HACL2: variants seen among roughly 807,000 people sequenced by gnomAD.
The protein encoded by HACL2 is 2-hydroxyacyl-CoA lyase 1 like.
chr19:15,119,328 C>G, the HACL2 span: 2 of 1,603,190 alleles, frequency 1.2e-6, no homozygotes, highest in Admixed American at 3.4e-5. Flanking sequence ...GAGCAGAGGT[C>G]AGTGTGGCCG....
At chr19:15,116,626 G>A in the HACL2 span, 2 of 887,388 alleles carry the variant, frequency 2.3e-6, no homozygotes, top group East Asian at 2.5e-5. Context: ...ATCCGAGCAG[G>A]CAGACGGGAA....
chr19:15,122,697 A>G, the HACL2 span: 1 of 1,613,844 alleles, frequency 6.2e-7, no homozygotes, highest in Non-Finnish European at 8.5e-7. The surrounding 1 kb of genome is among the most constrained non-coding windows in gnomAD (Gnocchi z 4.0). Context: ...ATTCACCAGG[A>G]GACCACTCGG....
chr19:15,119,649 C>G, the HACL2 span: 1 of 761,436 alleles, frequency 1.3e-6, no homozygotes, highest in East Asian at 2.7e-5. Context: ...CTCCCAGGTT[C>G]AAACGATTCT....
At chr19:15,115,060 C>G in the HACL2 span, 14 of 664,030 alleles carry the variant, frequency 2.1e-5, no homozygotes, top group Non-Finnish European at 3.7e-5. Flanking sequence ...ACAGTTGGGT[C>G]CGTGAAGAGG....
chr19:15,125,607 C>T, the HACL2 span: 1 of 153,848 alleles, frequency 6.5e-6, no homozygotes. Flanking sequence ...GGTCACATCG[C>T]ATCAGGATGT....
the HACL2 span, chr19:15,116,365 T>C: frequency 1.9e-6 from 3 of 1,613,916 alleles, no homozygotes; most frequent in Non-Finnish European, 2.5e-6. Flanking sequence ...CAGCAGGGTC[T>C]GCCGGGAACC....
chr19:15,116,480 T>C, the HACL2 span: 1 of 1,613,794 alleles, frequency 6.2e-7, no homozygotes, highest in African/African-American at 1.3e-5. Context: ...GGTCTGGCCC[T>C]GAAGGCCCTC....
the HACL2 span, among the ~76,000 whole-genome samples, chr19:15,118,611 A>G: frequency 4.6e-5 from 7 of 152,004 alleles, no homozygotes; most frequent in African/African-American, 1.5e-4. Context: ...TGCAGACTCT[A>G]CTTCAAGAAG....
At chr19:15,121,100 A>G in the HACL2 span, among the ~76,000 whole-genome samples, 1 of 152,066 alleles carries the variant, frequency 6.6e-6, no homozygotes, top group African/African-American at 2.4e-5. Flanking sequence ...CTCTACTAAA[A>G]ATACAAAAAT....
chr19:15,123,534 C>T, the HACL2 span: 36 of 1,613,886 alleles, frequency 2.2e-5, no homozygotes, highest in East Asian at 6.7e-5. This position sits in a 1 kb window ranked among gnomAD's most constrained non-coding sequence, Gnocchi z 5.1. Flanking sequence ...CTCAGCACAG[C>T]GGCCACGTTC....
the HACL2 span, chr19:15,123,724 C>A: frequency 1.6e-6 from 1 of 640,572 alleles, no homozygotes; most frequent in South Asian, 1.9e-5. This position sits in a 1 kb window ranked among gnomAD's most constrained non-coding sequence, Gnocchi z 5.1. Context: ...ATATATTATA[C>A]TACATGCCAG....
At chr19:15,124,568 G>T in the HACL2 span, 2 of 292,638 alleles carry the variant, frequency 6.8e-6, no homozygotes, top group South Asian at 9.8e-5. Context: ...TTATGAAACT[G>T]TCACTGCCAC....
the HACL2 span, chr19:15,123,163 G>A: frequency 6.2e-7 from 1 of 1,614,016 alleles, no homozygotes; most frequent in Non-Finnish European, 8.5e-7. This position sits in a 1 kb window ranked among gnomAD's most constrained non-coding sequence, Gnocchi z 5.1. Context: ...ATTGGGGACT[G>A]AGCCATCTGA....
chr19:15,117,849 A>G, the HACL2 span: 2 of 1,613,188 alleles, frequency 1.2e-6, no homozygotes, highest in Admixed American at 3.3e-5. Flanking sequence ...TGGGAGGAGC[A>G]CATATGTGTA....
chr19:15,119,177 A>G, the HACL2 span: 2 of 1,570,402 alleles, frequency 1.3e-6, no homozygotes, highest in East Asian at 4.5e-5. Context: ...TGCTAGGACA[A>G]TGACATCCGC....
the HACL2 span, chr19:15,119,284 C>T: frequency 3.7e-6 from 6 of 1,606,864 alleles, no homozygotes; most frequent in East Asian, 1.3e-4. Flanking sequence ...AGGGAACACC[C>T]AAGGTCTCCA....
chr19:15,125,046 G>A, the HACL2 span: 4 of 1,554,494 alleles, frequency 2.6e-6, no homozygotes, highest in East Asian at 2.4e-5. Context: ...GGCGGCGGCC[G>A]CGGGGGTCTC....
chr19:15,123,764 A>T, the HACL2 span: 1 of 597,236 alleles, frequency 1.7e-6, no homozygotes, highest in Admixed American at 3.0e-5. This position sits in a 1 kb window ranked among gnomAD's most constrained non-coding sequence, Gnocchi z 5.1. Context: ...ATCTTATCAG[A>T]TCCTCTTGTC....
chr19:15,125,163 G>T, the HACL2 span: 1 of 1,234,882 alleles, frequency 8.1e-7, no homozygotes, highest in Non-Finnish European at 1.1e-6. Flanking sequence ...CCAGGGCCAC[G>T]ACCCTTGCCG....
Sources: gnomAD v4.1 joint callset for allele counts (sites outside exome capture counted in the v4.1 genomes callset) on GRCh38, gnomAD v4.1.1 for gene constraint, Gnocchi (gnomAD v3.1) non-coding constraint, MANE v1.5 for transcripts, NCBI Gene and HGNC (gene_info 2026-07-23, HGNC 2026-07-21) for gene names.